TMTC2: variants seen among roughly 807,000 people sequenced by gnomAD.
The protein encoded by TMTC2 is protein O-mannosyl-transferase TMTC2.
Under a neutral mutation model 82.4 loss-of-function variants are expected in TMTC2, and 43 were observed. That is an observed-to-expected ratio of 0.52 (90% CI 0.41 to 0.67). TMTC2 has a LOEUF of 0.67. Ranked by LOEUF, TMTC2 falls within the 30% of genes least tolerant of loss-of-function variation. TMTC2 has a pLI of 0.00. For missense variants in TMTC2, 919 were observed against 1,012.4 expected (o/e 0.91, Z 1.25); for synonymous variants, 408 against 381.9 (o/e 1.07, Z -0.80).
intron 1 of TMTC2, among the ~76,000 whole-genome samples, chr12:82,817,939 C>T (rs1424147268): frequency 6.6e-6 from 1 of 152,020 alleles, no homozygotes; most frequent in African/African-American, 2.4e-5. Context: ...TTTCTATCTC[C>T]TCTATCTTGG....
At chr12:82,780,592 T>C (rs1420505635) in intron 1 of TMTC2, among the ~76,000 whole-genome samples, 1 of 152,134 alleles carries the variant, frequency 6.6e-6, no homozygotes, top group African/African-American at 2.4e-5. Context: ...TCTTTGCTTC[T>C]TATGTCAAAT....
chr12:83,032,604 G>A (rs1041633649), intron 9 of TMTC2, among the ~76,000 whole-genome samples: 1 of 152,052 alleles, frequency 6.6e-6, no homozygotes, highest in Non-Finnish European at 1.5e-5. Flanking sequence ...GTGTGCAATG[G>A]CACGATCTCG....
chr12:82,704,121 A>T (rs1873230521), intron 1 of TMTC2, among the ~76,000 whole-genome samples: 1 of 152,210 alleles, frequency 6.6e-6, no homozygotes, highest in Non-Finnish European at 1.5e-5. Flanking sequence ...AGTCCAAAGG[A>T]GTAAATTTGA....
chr12:83,119,056 T>A (rs1414740520), intron 11 of TMTC2, among the ~76,000 whole-genome samples: 1 of 152,216 alleles, frequency 6.6e-6, no homozygotes, highest in Admixed American at 6.5e-5. Flanking sequence ...TCTTGGTTAA[T>A]CTTGCTAATG....
At chr12:83,044,859 TA>T (rs1157716140) in intron 9 of TMTC2, among the ~76,000 whole-genome samples, 1 of 152,234 alleles carries the variant, frequency 6.6e-6, no homozygotes, top group Non-Finnish European at 1.5e-5. Context: ...AATATTTTAG[TA>T]AAAAATGCCA....
At chr12:83,007,747 C>T (rs1287442292) in intron 8 of TMTC2, among the ~76,000 whole-genome samples, 3 of 151,896 alleles carry the variant, frequency 2.0e-5, no homozygotes, top group Non-Finnish European at 4.4e-5. Context: ...AATATAGATC[C>T]AAGTCTCTGA....
chr12:82,937,170 A>G (rs1876363482), intron 4 of TMTC2, among the ~76,000 whole-genome samples: 1 of 152,238 alleles, frequency 6.6e-6, no homozygotes, highest in African/African-American at 2.4e-5. Context: ...TACAAGGTAC[A>G]TAGCTTAAGA....
chr12:82,832,138 A>AC (rs1320176502), intron 1 of TMTC2, among the ~76,000 whole-genome samples: 1 of 152,002 alleles, frequency 6.6e-6, no homozygotes, highest in East Asian at 1.9e-4. Flanking sequence ...CAGGTTAATA[A>AC]CCATTTCTTT....
At chr12:82,959,523 A>G (rs1236617634) in intron 4 of TMTC2, among the ~76,000 whole-genome samples, 1 of 152,184 alleles carries the variant, frequency 6.6e-6, no homozygotes, top group South Asian at 2.1e-4. Context: ...AAAGTCTCAC[A>G]TCTACAGCTA....
chr12:82,996,293 G>T (rs186155198), intron 8 of TMTC2, among the ~76,000 whole-genome samples: 52 of 152,276 alleles, frequency 3.4e-4, no homozygotes, highest in African/African-American at 1.1e-3. Context: ...CACACTGAAA[G>T]GGGTGAGGGT....
intron 4 of TMTC2, among the ~76,000 whole-genome samples, chr12:82,936,186 C>G (rs1163251065): frequency 6.6e-6 from 1 of 152,012 alleles, no homozygotes; most frequent in Non-Finnish European, 1.5e-5. Context: ...GATGGGCAAT[C>G]TCAATCAAAA....
At chr12:83,024,473 G>T (rs1034927701) in intron 8 of TMTC2, among the ~76,000 whole-genome samples, 4 of 152,146 alleles carry the variant, frequency 2.6e-5, no homozygotes, top group African/African-American at 9.7e-5. Flanking sequence ...AATGTGATTT[G>T]CATTGGTTGT....
intron 7 of TMTC2, among the ~76,000 whole-genome samples, chr12:82,971,114 C>T (rs1174944912): frequency 6.6e-6 from 1 of 152,158 alleles, no homozygotes; most frequent in South Asian, 2.1e-4. Flanking sequence ...ATCTTAAAAA[C>T]CCTTATAAAA....
At chr12:83,023,217 T>G (rs562434199) in intron 8 of TMTC2, among the ~76,000 whole-genome samples, 2 of 152,324 alleles carry the variant, frequency 1.3e-5, no homozygotes, top group South Asian at 4.1e-4. Flanking sequence ...TTTGGGAAAT[T>G]TTTTAATAGA....
intron 4 of TMTC2, among the ~76,000 whole-genome samples, chr12:82,964,322 T>G (rs1878090290): frequency 1.3e-5 from 2 of 152,150 alleles, no homozygotes; most frequent in South Asian, 4.1e-4. Flanking sequence ...GCTGAGATAT[T>G]ACATGCAGTT....
At chr12:82,793,993 G>GC (rs1481092667) in intron 1 of TMTC2, among the ~76,000 whole-genome samples, 3 of 152,004 alleles carry the variant, frequency 2.0e-5, no homozygotes, top group Admixed American at 6.6e-5. Context: ...ACTGCTTTGT[G>GC]CCCCCAGTAT....
intron 2 of TMTC2, among the ~76,000 whole-genome samples, chr12:82,893,019 G>T (rs755825750): frequency 2.0e-5 from 3 of 152,042 alleles, no homozygotes; most frequent in African/African-American, 7.2e-5. Flanking sequence ...CAATGGAATG[G>T]TTTGCAAAAG....
intron 9 of TMTC2, among the ~76,000 whole-genome samples, chr12:83,042,743 T>C (rs945226716): frequency 6.6e-6 from 1 of 152,158 alleles, no homozygotes; most frequent in African/African-American, 2.4e-5. Context: ...ATAAATTCAG[T>C]AAAGTACTTC....
At chr12:83,093,397 C>T (rs1471199536) in intron 11 of TMTC2, among the ~76,000 whole-genome samples, 1 of 152,090 alleles carries the variant, frequency 6.6e-6, no homozygotes, top group East Asian at 1.9e-4. Flanking sequence ...TAGACTTTTC[C>T]GTTTCTTTTG....
Sources: gnomAD v4.1 joint callset for allele counts (sites outside exome capture counted in the v4.1 genomes callset) on GRCh38, gnomAD v4.1.1 for gene constraint, MANE v1.5 for transcripts, NCBI Gene and HGNC (gene_info 2026-07-23, HGNC 2026-07-21) for gene names.